PITRM1: variants seen among roughly 807,000 people sequenced by gnomAD.
PITRM1 encodes the protein presequence protease, mitochondrial.
A neutral mutation model predicts 129.9 loss-of-function variants in PITRM1; 100 were observed. The observed-to-expected ratio is 0.77, with a 90% CI of 0.65 to 0.91. The LOEUF (loss-of-function observed/expected upper bound fraction) is 0.91, where lower values mean the gene tolerates loss of function less well. Among genes scored for constraint, PITRM1 ranks in the 40% least tolerant of loss-of-function variants. The pLI, the probability that PITRM1 is intolerant of heterozygous loss-of-function variation, is 0.00. For missense variants in PITRM1, 1,471 were observed against 1,318.3 expected, an observed-to-expected ratio of 1.12 and a Z score of -1.79; for synonymous variants, 591 against 508.8, an observed-to-expected ratio of 1.16 and a Z score of -2.17.
At chr10:3,169,686 C>T (rs933443973) in intron 2 of PITRM1, among the ~76,000 whole-genome samples, 4 of 152,212 alleles carry the variant, frequency 2.6e-5, no homozygotes, top group African/African-American at 7.2e-5. Flanking sequence ...CTTTATCATT[C>T]TGAAACCCGA....
In PITRM1 at chr10:3,147,981, A is replaced by G. The variant is rs906327739; in HGVS notation, c.2069+6T>C. ...AAGAATGGACAACTCTTGCAAATAA[A>G]GTTACTTGTTAAATATTTCACTCCA... On this transcript the variant is annotated splice_donor_region_variant and intron_variant, in intron 18 of 26. Coordinates refer to ENST00000224949, the MANE Select transcript of PITRM1 (RefSeq NM_014889.4). The G allele has an allele frequency of 2.5e-6, 4 of 1,602,580 alleles. No individual in the cohort carries two copies. The South Asian group carries it at 3.3e-5, about 13-fold the overall frequency.
At position 3,166,149 on chromosome 10, in the gene PITRM1, C is replaced by G. The variant is rs1014774522; in HGVS notation, c.418+80G>C. The G allele has an allele frequency of 2.4e-5, 30 of 1,265,478 alleles. 1 individual carries two copies. In the Admixed American group the frequency reaches 3.0e-4, roughly 13 times the overall value. The allele number at this position is 1,265,478 out of a possible 1,614,324, so 78.4% of individuals were successfully genotyped here. The stretch of plus-strand genomic sequence containing the variant: ...ACATGAATTGCCCACTCCCCTCATT[C>G]CTTCTCAGAAACTAACTGAATTCCA... On this transcript the variant is annotated intron_variant, in intron 4 of 26. Coordinates refer to ENST00000224949, the MANE Select transcript of PITRM1 (RefSeq NM_014889.4).
intron 4 of PITRM1, among the ~76,000 whole-genome samples, chr10:3,165,971 T>A (rs1842825924): frequency 6.6e-6 from 1 of 152,220 alleles, no homozygotes; most frequent in Admixed American, 6.5e-5. Flanking sequence ...TGTAGCGATA[T>A]CTCCAAGAGA....
At chr10:3,157,284 T>A in intron 12 of PITRM1, 151 bp downstream of exon 12, 1 of 640,494 alleles carries the variant, frequency 1.6e-6, no homozygotes. Flanking sequence ...TGAAATAATG[T>A]TTAGGAAATA....
intron 14 of PITRM1, among the ~76,000 whole-genome samples, chr10:3,154,380 CGTTTCCTAGGTGGCCACACCAT>C (rs751527892): frequency 5.3e-5 from 8 of 152,124 alleles, no homozygotes; most frequent in Non-Finnish European, 1.0e-4. Flanking sequence ...ACTGTGACCC[CGTTTCCTAGGTGGCCACACCAT>C]TTTGGCTCCT....
chr10:3,156,690 C>T (rs1158641235), intron 13 of PITRM1, among the ~76,000 whole-genome samples: 2 of 147,212 alleles, frequency 1.4e-5, no homozygotes, highest in Non-Finnish European at 1.5e-5. Context: ...TTTGTTCATA[C>T]ACACAAACAT....
rs1281351424 is a variant in PITRM1, at chr10:3,137,745, T to TCTGC, written c.*285_*286insGCAG. 45 of 430,956 alleles carry TCTGC rather than the reference T, an allele frequency of 1.0e-4. No individual in the cohort carries two copies. The highest frequency in any genetic ancestry group is 1.5e-4 in the Non-Finnish European group (35 of 226,796). The allele number at this position is 430,956 out of a possible 1,614,324, so 26.7% of individuals were successfully genotyped here. On this transcript the variant is annotated 3_prime_UTR_variant, in exon 27 of 27. Transcript: ENST00000224949. The stretch of plus-strand genomic sequence containing the variant: ...AGCAGAGGTTAAGTCAGAGTTGCCC[T>TCTGC]TTATTTTTAGATTCTTAAATATTCT...
At chr10:3,148,506 C>T (rs950073753) in intron 16 of PITRM1, 14 of 550,664 alleles carry the variant, frequency 2.5e-5, no homozygotes, top group South Asian at 1.2e-4. Flanking sequence ...CAGTTTCTCC[C>T]GCCTAGGAAG....
Position 3,165,539 on chromosome 10 carries a change from T to A in PITRM1, c.419-12A>T, listed in dbSNP as rs559727041. The A allele has an allele frequency of 6.5e-6, 9 of 1,393,312 alleles. No individual in the cohort carries two copies. In the African/African-American group the frequency reaches 1.3e-4, roughly 20 times the overall value. 86.3% of individuals were successfully genotyped at this position (1,393,312 alleles called of 1,614,324 possible). A position where few individuals can be genotyped will look rare whatever the true frequency, so the allele number is the denominator to read the frequency against. On this transcript the variant is annotated splice_polypyrimidine_tract_variant and intron_variant, in intron 4 of 26. Coordinates refer to ENST00000224949, the MANE Select transcript of PITRM1 (RefSeq NM_014889.4). ...AGTATAATCACTAGCTGGGTACAAATGAAAAGTGAAATTGTAAAATATAAC... is the reference window on the plus strand; with the variant it reads ...AGTATAATCACTAGCTGGGTACAAAAGAAAAGTGAAATTGTAAAATATAAC...
chr10:3,147,735 G>T lies in PITRM1; in HGVS notation c.2072C>A (p.Pro691Gln). The T allele has an allele frequency of 1.3e-6, 2 of 1,578,898 alleles. No individual in the cohort carries two copies. Among genetic ancestry groups the T allele is most frequent in the South Asian group, 1.2e-5 (1 of 85,342 alleles). Residue 691 changes from proline (P) to glutamine (Q), a missense_variant and splice_region_variant, in exon 19 of 27, where the codon CCG becomes CAG. Physicochemically the swap from Pro to Gln is moderately conservative, Grantham distance 76. Coordinates refer to ENST00000224949, the MANE Select transcript of PITRM1 (RefSeq NM_014889.4). ...MQLWSEIFNN[P>Q]CFEEEEHFKV... ...GAAGTGCTCCTCTTCTTCAAAGCAC[G>T]GGCTATGGAAAAAGGAGAAGAAAAA...
At chr10:3,141,945 C>T (rs537109578) in intron 23 of PITRM1, among the ~76,000 whole-genome samples, 71 of 152,234 alleles carry the variant, frequency 4.7e-4, no homozygotes, top group Non-Finnish European at 7.5e-4. Flanking sequence ...CCACCAGCAC[C>T]GGCAGGGATG....
At position 3,137,824 on chromosome 10, in the gene PITRM1, T is replaced by C. The variant is rs1839687267; in HGVS notation, c.*207A>G. On this transcript the variant is annotated 3_prime_UTR_variant, in exon 27 of 27. Transcript: ENST00000224949. ...CAAAGTGAAAATTCTACATGGTGCATCTTTGGCGCTTCATGCATGATTATT... is the reference window on the plus strand; with the variant it reads ...CAAAGTGAAAATTCTACATGGTGCACCTTTGGCGCTTCATGCATGATTATT... 1 of 563,266 alleles carries C rather than the reference T, an allele frequency of 1.8e-6. No homozygotes were observed. Among genetic ancestry groups the C allele is most frequent in the Non-Finnish European group, 3.2e-6 (1 of 314,356 alleles). The allele number at this position is 563,266 out of a possible 1,614,324, so 34.9% of individuals were successfully genotyped here. A position where few individuals can be genotyped will look rare whatever the true frequency, so the allele number is the denominator to read the frequency against.
chr10:3,150,573 C>T (rs980811515), intron 15 of PITRM1, among the ~76,000 whole-genome samples: 11 of 152,240 alleles, frequency 7.2e-5, no homozygotes, highest in East Asian at 1.9e-4. Context: ...CAGTCACGTC[C>T]GGCCACACCC....
chr10:3,140,959 A>T lies in PITRM1; in HGVS notation c.2646-147T>A. On this transcript the variant is annotated intron_variant, in intron 23 of 26. Coordinates refer to ENST00000224949, the MANE Select transcript of PITRM1 (RefSeq NM_014889.4). ...GTCCCATATTTTGGTCTTGTTTTTT[A>T]AGAGATGGGGTCTCGCTCTGTCGCC... 3 of 734,918 alleles carry T rather than the reference A, an allele frequency of 4.1e-6. No homozygotes were observed. In the South Asian group the frequency reaches 5.4e-5, roughly 13 times the overall value. 45.5% of individuals were successfully genotyped at this position (734,918 alleles called of 1,614,324 possible).
chr10:3,141,918 C>A (rs1840267454), intron 23 of PITRM1: 1 of 209,272 alleles, frequency 4.8e-6, no homozygotes, highest in Non-Finnish European at 1.0e-5. Flanking sequence ...GGAGTCAGAC[C>A]CTGGGGGACG....
intron 10 of PITRM1, 36 bp from the exon 11 acceptor site, chr10:3,158,189 CG>C (rs1157088418): frequency 1.2e-5 from 14 of 1,210,784 alleles, no homozygotes; most frequent in Non-Finnish European, 1.7e-5. Flanking sequence ...CACTGGAATC[CG>C]GGCACGTTCA....
At chr10:3,161,312 A>G (rs1242316693) in intron 7 of PITRM1, among the ~76,000 whole-genome samples, 1 of 152,230 alleles carries the variant, frequency 6.6e-6, no homozygotes, top group African/African-American at 2.4e-5. Context: ...CAATTTCACA[A>G]AACTCAATTT....
intron 18 of PITRM1, 44 bp from the exon 19 acceptor site, chr10:3,147,781 C>G: frequency 6.6e-7 from 1 of 1,507,304 alleles, no homozygotes; most frequent in Non-Finnish European, 8.9e-7. Context: ...ACCCATTCCT[C>G]ACGTCCCTTC....
In PITRM1 at chr10:3,139,026, A is replaced by C; in HGVS notation, c.2795T>G (p.Leu932Arg). Residue 932 changes from leucine (L) to arginine (R), a missense_variant, in exon 25 of 27, where the codon CTC becomes CGC. By Grantham distance (102) the Leu-to-Arg change is moderately radical (BLOSUM62 -2). Coordinates refer to ENST00000224949, the MANE Select transcript of PITRM1 (RefSeq NM_014889.4). ...SYRDPNTIETLQSFGKAVDWA... is the reference protein window; with the variant it reads ...SYRDPNTIETRQSFGKAVDWA... ...GTCGACAGCCTTCCCAAAAGACTGG[A>C]GCGTCTCTATTGTATTTGGGTCCCT... 1 of 1,613,944 alleles carries C rather than the reference A, an allele frequency of 6.2e-7. No individual in the cohort carries two copies. Among genetic ancestry groups the C allele is most frequent in the Non-Finnish European group, 8.5e-7 (1 of 1,179,810 alleles).
Sources: gnomAD v4.1 joint callset for allele counts (sites outside exome capture counted in the v4.1 genomes callset) on GRCh38, gnomAD v4.1.1 for gene constraint, MANE v1.5 for transcripts, NCBI Gene and HGNC (gene_info 2026-07-23, HGNC 2026-07-21) for gene names.